Variants in DENND1A observed in about 807,000 individuals in gnomAD.
DENND1A encodes the protein DENN domain containing 1A.
In DENND1A, 51 loss-of-function variants were observed where a neutral mutation model predicts 113.7. The ratio of observed to expected loss-of-function variants is 0.45; its 90% confidence interval spans 0.36 to 0.57. The LOEUF (loss-of-function observed/expected upper bound fraction) is 0.57, where lower values mean the gene tolerates loss of function less well. Among genes scored for constraint, DENND1A ranks in the 20% least tolerant of loss-of-function variants. The probability of loss-of-function intolerance (pLI) is 0.00; values close to 1 mark genes in which losing one functional copy is unlikely to be tolerated. For missense variants in DENND1A, 1,258 were observed against 1,395.9 expected, an observed-to-expected ratio of 0.90 and a Z score of 1.57; for synonymous variants, 565 against 570.8, an observed-to-expected ratio of 0.99 and a Z score of 0.14.
At chr9:123,720,285 G>A (rs1045494645) in intron 5 of DENND1A, among the ~76,000 whole-genome samples, 1 of 152,162 alleles carries the variant, frequency 6.6e-6, no homozygotes, top group African/African-American at 2.4e-5. Context: ...GGGAGTGAGG[G>A]ATGACAGAAG....
rs765288975 is a variant in DENND1A, at chr9:123,517,755, C to T, written c.993+39815G>A. ...CCATTTACAACTGATTATTTACACA[C>T]AATATCTCATAGTGTGAGGAAAATC... On this transcript the variant is annotated intron_variant, in intron 13 of 23. Coordinates refer to ENST00000394215, the MANE Select transcript of DENND1A (RefSeq NM_001352964.2). 4.9e-5 allele frequency among the ~76,000 whole-genome samples: 7 copies of T among 143,474 alleles called. No homozygotes were observed. In the South Asian group the frequency reaches 1.2e-3, roughly 24 times the overall value. The allele number at this position is 143,474 out of a possible 152,430, so 94.1% of individuals were successfully genotyped here. A position where few individuals can be genotyped will look rare whatever the true frequency, so the allele number is the denominator to read the frequency against.
chr9:123,440,632 G>C, intron 18 of DENND1A, 141 bp from the exon 19 acceptor site: 1 of 1,173,794 alleles, frequency 8.5e-7, no homozygotes, highest in South Asian at 2.3e-5. Flanking sequence ...GGAGGGAATG[G>C]AGGGCTAACT....
intron 2 of DENND1A, among the ~76,000 whole-genome samples, chr9:123,798,925 G>T (rs1484554164): frequency 6.6e-6 from 1 of 151,908 alleles, no homozygotes; most frequent in East Asian, 1.9e-4. Context: ...GTTTTTTTAT[G>T]ATTATAATCT....
chr9:123,848,610 AAGG>A (rs1208288638), intron 2 of DENND1A, among the ~76,000 whole-genome samples: 4 of 152,152 alleles, frequency 2.6e-5, no homozygotes, highest in African/African-American at 9.7e-5. Context: ...ATTCAACTGA[AAGG>A]AGGAGTTGCA....
At chr9:123,852,706 C>T (rs1843564908) in intron 2 of DENND1A, among the ~76,000 whole-genome samples, 1 of 152,094 alleles carries the variant, frequency 6.6e-6, no homozygotes, top group Admixed American at 6.5e-5. Flanking sequence ...TAAGAATGTT[C>T]ACCTTATCCA....
chr9:123,544,832 C>T (rs2056543731), intron 13 of DENND1A, among the ~76,000 whole-genome samples: 2 of 152,204 alleles, frequency 1.3e-5, no homozygotes, highest in South Asian at 4.1e-4. Flanking sequence ...GGCGTGGTGG[C>T]TCACGCCTGT....
rs189352098 is a variant in DENND1A, at chr9:123,819,516, A to T, written c.89-26886T>A. On this transcript the variant is annotated intron_variant, in intron 2 of 23. Transcript: ENST00000394215. ...TGATTATATCTTAAAGACTGGGATT[A>T]AAAAATATTTTATTTTTTTATTTTT... Among the ~76,000 whole-genome samples, 16 of 152,282 alleles carry T rather than the reference A, an allele frequency of 1.1e-4. No homozygotes were observed. In the East Asian group the frequency reaches 3.1e-3, roughly 29 times the overall value.
At chr9:123,711,481 T>TAAAAAA (rs1233510468) in intron 5 of DENND1A, among the ~76,000 whole-genome samples, 1 of 89,092 alleles carries the variant, frequency 1.1e-5, no homozygotes, top group African/African-American at 6.2e-5. Flanking sequence ...AATAATAAAT[T>TAAAAAA]AAAAAATATA....
intron 2 of DENND1A, among the ~76,000 whole-genome samples, chr9:123,793,758 G>C (rs1001064349): frequency 6.6e-6 from 1 of 152,118 alleles, no homozygotes; most frequent in African/African-American, 2.4e-5. Context: ...TAGGATCCTA[G>C]AAATACCAGT....
At chr9:123,492,147 C>G (rs1799110854) in intron 13 of DENND1A, 1 of 152,304 alleles carries the variant, frequency 6.6e-6, no homozygotes, top group Non-Finnish European at 1.5e-5. Context: ...TAGGGGCCAC[C>G]AAGGACTCCA....
chr9:123,583,177 T>G lies in DENND1A; in HGVS notation c.859A>C (p.Asn287His). Residue 287 changes from asparagine (N) to histidine (H), a missense_variant, in exon 12 of 24, where the codon AAC becomes CAC. Asn to His is a moderately conservative substitution (Grantham distance 68). Transcript: ENST00000394215. ...TPFDDLQSLP[N>H]DVISSLKNRL... The stretch of plus-strand genomic sequence containing the variant: ...GCAAGCTCATTACCTACCACGTCGT[T>G]TGGGAGGCTCTGGAGGTCATCGAAG... 3 of 1,608,944 alleles carry G rather than the reference T, an allele frequency of 1.9e-6. No homozygotes were observed. The highest frequency in any genetic ancestry group is 2.5e-6 in the Non-Finnish European group (3 of 1,177,030).
intron 12 of DENND1A, among the ~76,000 whole-genome samples, chr9:123,564,896 C>G (rs2057962708): frequency 6.6e-6 from 1 of 151,442 alleles, no homozygotes; most frequent in Non-Finnish European, 1.5e-5. Flanking sequence ...CCCTATTATA[C>G]ATTCTCACTG....
rs748000999 is a variant in DENND1A at position 123,557,663 on chromosome 9, G to A, written c.900C>T (p.Val300=). 2.4e-5 allele frequency: 38 copies of A among 1,613,956 alleles called. No homozygotes were observed. Among genetic ancestry groups the A allele is most frequent in the Non-Finnish European group, 3.2e-5 (38 of 1,179,980 alleles). The part of the protein sequence containing the change: ...ISSLKNRLKK[V]STTTGDGVAR... ...CCACACCATCCCCAGTGGTTGTGGA[G>A]ACCTTTTTCAGCCTGTTCTTCAGGG... Residue 300 remains valine (V), a synonymous_variant, in exon 13 of 24, where the codon GTC becomes GTT. Transcript: ENST00000394215.
intron 18 of DENND1A, among the ~76,000 whole-genome samples, chr9:123,447,821 A>G (rs1165207926): frequency 6.6e-6 from 1 of 151,932 alleles, no homozygotes; most frequent in Admixed American, 6.6e-5. Flanking sequence ...AATATTTTCT[A>G]CTGCTATGTG....
chr9:123,740,523 C>T (rs1384944703), intron 5 of DENND1A, among the ~76,000 whole-genome samples: 1 of 152,034 alleles, frequency 6.6e-6, no homozygotes, highest in African/African-American at 2.4e-5. Flanking sequence ...GTCTTTGAGA[C>T]CTTTTCTTAT....
chr9:123,909,544 C>T (rs12352489), intron 1 of DENND1A, among the ~76,000 whole-genome samples: 11,269 of 151,980 alleles, frequency 0.074, 724 homozygotes, highest in African/African-American at 0.18. Context: ...ACTTCTCAAA[C>T]TGATCAAGGG....
intron 21 of DENND1A, among the ~76,000 whole-genome samples, chr9:123,399,375 T>G (rs1325368484): frequency 6.6e-6 from 1 of 152,162 alleles, no homozygotes; most frequent in African/African-American, 2.4e-5. Context: ...CTTTTTTATT[T>G]TATTTTTTGA....
intron 5 of DENND1A, among the ~76,000 whole-genome samples, chr9:123,755,436 G>A (rs2070452137): frequency 6.6e-6 from 1 of 151,370 alleles, no homozygotes; most frequent in African/African-American, 2.4e-5. Flanking sequence ...GAGCCCACAT[G>A]CCTGGCCAAT....
intron 2 of DENND1A, among the ~76,000 whole-genome samples, chr9:123,864,435 A>C (rs1845531184): frequency 1.3e-5 from 2 of 152,226 alleles, no homozygotes; most frequent in African/African-American, 4.8e-5. Context: ...CAGGGGTGGC[A>C]GAAAAAGCCT....
Sources: allele counts gnomAD v4.1 joint callset (sites outside exome capture counted in the v4.1 genomes callset), GRCh38; gene constraint gnomAD v4.1.1; transcripts MANE v1.5; gene names NCBI Gene and HGNC (gene_info 2026-07-23, HGNC 2026-07-21).